Variants in SLC44A1 observed in about 807,000 individuals in gnomAD.
SLC44A1 encodes choline transporter-like protein 1.
SLC44A1 carries 26 observed loss-of-function variants against 79.3 expected under a neutral mutation model. The observed-to-expected ratio is 0.33, with a 90% CI of 0.24 to 0.46. SLC44A1 has a LOEUF of 0.46. Ranked by LOEUF, SLC44A1 falls within the 20% of genes least tolerant of loss-of-function variation. SLC44A1 has a pLI of 1.00. For missense variants in SLC44A1, 688 were observed against 798.1 expected (o/e 0.86, Z 1.66); for synonymous variants, 263 against 286.2 (o/e 0.92, Z 0.82).
chr9:105,355,991 C>G (rs915762736), intron 5 of SLC44A1: 1 of 525,994 alleles, frequency 1.9e-6, no homozygotes, highest in African/African-American at 1.9e-5. Context: ...TCTGTTGGAA[C>G]ATGCACTCCA....
At chr9:105,377,354 G>T (rs898795194) in intron 13 of SLC44A1, among the ~76,000 whole-genome samples, 3 of 152,120 alleles carry the variant, frequency 2.0e-5, no homozygotes, top group African/African-American at 4.8e-5. Context: ...AACAATGATT[G>T]CTTTTGGATA....
downstream of SLC44A1, among the ~76,000 whole-genome samples, chr9:105,397,757 A>G (rs1828903276): frequency 6.6e-6 from 1 of 152,022 alleles, no homozygotes; most frequent in South Asian, 2.1e-4. Context: ...ATCCTGGCTA[A>G]CACGGTGAAA....
intron 15 of SLC44A1, among the ~76,000 whole-genome samples, chr9:105,408,325 A>C (rs1829054707): frequency 6.6e-6 from 1 of 152,234 alleles, no homozygotes; most frequent in African/African-American, 2.4e-5. Context: ...AAAAAAATAA[A>C]AAATAAAAAC....
chr9:105,430,919 T>C (rs1829384162), intron 15 of SLC44A1, among the ~76,000 whole-genome samples: 1 of 152,218 alleles, frequency 6.6e-6, no homozygotes, highest in African/African-American at 2.4e-5. Flanking sequence ...TTTTTCTACA[T>C]CCTCGACAAG....
chr9:105,334,218 C>G (rs1826839554), intron 3 of SLC44A1, among the ~76,000 whole-genome samples: 1 of 151,386 alleles, frequency 6.6e-6, no homozygotes, highest in Non-Finnish European at 1.5e-5. Flanking sequence ...GGTTTGGAGT[C>G]ACTGATAGGG....
intron 15 of SLC44A1, among the ~76,000 whole-genome samples, chr9:105,409,384 G>A (rs556520206): frequency 6.6e-6 from 1 of 152,276 alleles, no homozygotes; most frequent in South Asian, 2.1e-4. Flanking sequence ...ATAACATATA[G>A]CAATTATAAA....
At chr9:105,387,395 C>T (rs1828662122) in intron 15 of SLC44A1, among the ~76,000 whole-genome samples, 1 of 152,074 alleles carries the variant, frequency 6.6e-6, no homozygotes, top group Non-Finnish European at 1.5e-5. Flanking sequence ...GATGGAGGCA[C>T]ACCAGTAATC....
rs1421434953 is a variant in SLC44A1, at chr9:105,361,364, G to A, written c.900+34G>A. On this transcript the variant is annotated intron_variant, in intron 8 of 15. Transcript: ENST00000374720. Reference sequence around the variant, plus strand: ...AGGCTTTGGCGTGTCTTTCGGTTTTGTGTTTTTGTTTGCAGGAGATCATTA... The same window carrying A: ...AGGCTTTGGCGTGTCTTTCGGTTTTATGTTTTTGTTTGCAGGAGATCATTA... The A allele has an allele frequency of 1.9e-6, 3 of 1,548,768 alleles. No homozygotes were observed. In the Admixed American group the frequency reaches 6.3e-5, roughly 33 times the overall value.
chr9:105,382,787 T>G (rs2771043), intron 13 of SLC44A1, among the ~76,000 whole-genome samples: 148,416 of 152,240 alleles, frequency 0.97, 72,349 homozygotes, highest in East Asian at 1. Flanking sequence ...TGCTAAGAGT[T>G]TGTAAATTTT....
intron 12 of SLC44A1, among the ~76,000 whole-genome samples, chr9:105,371,792 C>T (rs1005021976): frequency 6.7e-6 from 1 of 148,354 alleles, no homozygotes; most frequent in South Asian, 2.1e-4. Flanking sequence ...ACCACCCCTG[C>T]TATAGAATAA....
At chr9:105,352,953 G>A (rs1827500378) in intron 5 of SLC44A1, among the ~76,000 whole-genome samples, 1 of 151,998 alleles carries the variant, frequency 6.6e-6, no homozygotes. Flanking sequence ...AGGAAATCTA[G>A]TTTGTTTAGA....
intron 12 of SLC44A1, among the ~76,000 whole-genome samples, chr9:105,368,320 G>T (rs1828000624): frequency 6.6e-6 from 1 of 152,122 alleles, no homozygotes; most frequent in African/African-American, 2.4e-5. Flanking sequence ...GGCTTAGGGA[G>T]AGGTGTTCTG....
intron 3 of SLC44A1, among the ~76,000 whole-genome samples, chr9:105,323,513 A>G (rs1302424830): frequency 6.6e-6 from 1 of 152,202 alleles, no homozygotes; most frequent in Non-Finnish European, 1.5e-5. Flanking sequence ...TTAGAGGAGT[A>G]AAGATCATAA....
chr9:105,359,845 A>G (rs1368701011), intron 7 of SLC44A1, among the ~76,000 whole-genome samples: 1 of 152,222 alleles, frequency 6.6e-6, no homozygotes, highest in African/African-American at 2.4e-5. Context: ...CTCCTCTTCA[A>G]CAGATGGAAA....
chr9:105,434,658 CAG>C (rs1306321394), intron 15 of SLC44A1, among the ~76,000 whole-genome samples: 5 of 152,144 alleles, frequency 3.3e-5, no homozygotes, highest in Non-Finnish European at 5.9e-5. Flanking sequence ...CTGACACAAA[CAG>C]AAGATTCAGG....
intron 1 of SLC44A1, among the ~76,000 whole-genome samples, chr9:105,261,897 A>G (rs1829849615): frequency 6.7e-6 from 1 of 148,300 alleles, no homozygotes; most frequent in African/African-American, 2.5e-5. Context: ...CTCCTATCTC[A>G]GCCTCCCAAG....
At chr9:105,423,977 T>C (rs774578960) in intron 15 of SLC44A1, among the ~76,000 whole-genome samples, 4 of 152,154 alleles carry the variant, frequency 2.6e-5, no homozygotes, top group Non-Finnish European at 5.9e-5. Flanking sequence ...TGAAATTAAA[T>C]TAATTGAGAG....
At chr9:105,304,693 C>T (rs1830970691) in intron 2 of SLC44A1, among the ~76,000 whole-genome samples, 1 of 152,028 alleles carries the variant, frequency 6.6e-6, no homozygotes, top group Non-Finnish European at 1.5e-5. Flanking sequence ...AACTGAGGCT[C>T]AGGGAATAAA....
In SLC44A1 at chr9:105,395,813, T is replaced by C. The variant is rs1828864696; in HGVS notation, c.*6757T>C. ...GAAGACTTGGGAATAATTGGGCAGA[T>C]AGAATGGGTTCCATGGATCATTCTA... On this transcript the variant is annotated 3_prime_UTR_variant, in exon 16 of 16. Coordinates refer to ENST00000374720, the MANE Select transcript of SLC44A1 (RefSeq NM_080546.5). 2 of 984,844 alleles carry C rather than the reference T, an allele frequency of 2.0e-6. No homozygotes were observed. Among genetic ancestry groups the C allele is most frequent in the Non-Finnish European group, 2.4e-6 (2 of 829,752 alleles). The allele number at this position is 984,844 out of a possible 1,614,324, so 61.0% of individuals were successfully genotyped here.
Sources: gnomAD v4.1 joint callset for allele counts (sites outside exome capture counted in the v4.1 genomes callset) on GRCh38, gnomAD v4.1.1 for gene constraint, MANE v1.5 for transcripts, NCBI Gene and HGNC (gene_info 2026-07-23, HGNC 2026-07-21) for gene names.